VWC2L: variants seen among roughly 807,000 people sequenced by gnomAD.
VWC2L encodes the protein von Willebrand factor C domain containing 2 like, also known as von Willebrand factor C domain-containing protein 2-like.
Under a neutral mutation model 21.6 loss-of-function variants are expected in VWC2L, and 10 were observed. That is an observed-to-expected ratio of 0.46 (90% CI 0.29 to 0.78). The LOEUF is 0.78. Ranked by LOEUF, VWC2L falls within the 30% of genes least tolerant of loss-of-function variation. The probability of loss-of-function intolerance (pLI) is 0.10; values close to 1 mark genes in which losing one functional copy is unlikely to be tolerated. For synonymous variants in VWC2L, 96 were observed against 94.3 expected (o/e 1.02, Z -0.10); for missense variants, 209 against 277.1 (o/e 0.75, Z 1.74).
intron 3 of VWC2L, among the ~76,000 whole-genome samples, chr2:214,497,228 T>C (rs150060044): frequency 0.018 from 2,718 of 152,170 alleles, 40 homozygotes; most frequent in Middle Eastern, 0.068. Flanking sequence ...AAACCATTCA[T>C]TTTAAGCTCT....
intron 3 of VWC2L, among the ~76,000 whole-genome samples, chr2:214,555,097 G>A (rs543426632): frequency 1.7e-4 from 26 of 152,206 alleles, no homozygotes; most frequent in African/African-American, 6.0e-4. Context: ...CACAAGCCCC[G>A]CCCCCATCTT....
intron 3 of VWC2L, among the ~76,000 whole-genome samples, chr2:214,566,879 T>C (rs73987411): frequency 0.045 from 6,868 of 152,268 alleles, 530 homozygotes; most frequent in African/African-American, 0.16. Flanking sequence ...TGATTTTTCA[T>C]AGCACAATAG....
intron 3 of VWC2L, among the ~76,000 whole-genome samples, chr2:214,574,892 T>A (rs183174658): frequency 2.0e-4 from 31 of 151,628 alleles, no homozygotes; most frequent in African/African-American, 5.3e-4. Context: ...ACAGAAAAAA[T>A]TTTTAAAAAC....
intron 3 of VWC2L, among the ~76,000 whole-genome samples, chr2:214,496,537 C>A (rs1574597600): frequency 6.6e-6 from 1 of 152,076 alleles, no homozygotes; most frequent in East Asian, 1.9e-4. Context: ...ATTTGCTATT[C>A]CTAAGAATAC....
intron 3 of VWC2L, among the ~76,000 whole-genome samples, chr2:214,488,647 T>G (rs986784333): frequency 3.3e-5 from 5 of 152,142 alleles, no homozygotes; most frequent in Admixed American, 6.6e-5. Flanking sequence ...CTTCATCTGT[T>G]CTGGGTTGTT....
chr2:214,507,854 A>G (rs992018814), intron 3 of VWC2L, among the ~76,000 whole-genome samples: 2 of 152,208 alleles, frequency 1.3e-5, no homozygotes, highest in Admixed American at 1.3e-4. Flanking sequence ...AGGAATTTGC[A>G]GCTAGTTGCC....
At chr2:214,488,622 C>A (rs1024298617) in intron 3 of VWC2L, among the ~76,000 whole-genome samples, 2 of 152,036 alleles carry the variant, frequency 1.3e-5, no homozygotes, top group African/African-American at 4.8e-5. Context: ...AACAAAAACC[C>A]TGTTAGGCAC....
intron 3 of VWC2L, among the ~76,000 whole-genome samples, chr2:214,574,735 T>A (rs1281662750): frequency 6.6e-6 from 1 of 152,074 alleles, no homozygotes; most frequent in East Asian, 1.9e-4. Context: ...CCTACTATAA[T>A]CCAGTGCACT....
chr2:214,473,733 T>C (rs1314009374), intron 3 of VWC2L: 6 of 150,718 alleles, frequency 4.0e-5, no homozygotes, highest in South Asian at 2.1e-4. Context: ...TGGCTTCTTA[T>C]GTTATATCTC....
chr2:214,436,935 T>G (rs1307856069), intron 3 of VWC2L, among the ~76,000 whole-genome samples, 177 bp downstream of exon 3: 1 of 152,166 alleles, frequency 6.6e-6, no homozygotes, highest in Non-Finnish European at 1.5e-5. Flanking sequence ...GCAGTGGGTT[T>G]ATTGTGCAGC....
chr2:214,454,441 C>A (rs1703023649), intron 3 of VWC2L, among the ~76,000 whole-genome samples: 1 of 150,298 alleles, frequency 6.7e-6, no homozygotes, highest in Non-Finnish European at 1.5e-5. Context: ...TGAAAAAGTC[C>A]CCTTCTAGTA....
At chr2:214,540,274 G>A (rs1372539647) in intron 3 of VWC2L, among the ~76,000 whole-genome samples, 2 of 152,092 alleles carry the variant, frequency 1.3e-5, no homozygotes, top group Non-Finnish European at 2.9e-5. Context: ...ATCTTCATGT[G>A]CATTAATCTT....
intron 3 of VWC2L, among the ~76,000 whole-genome samples, chr2:214,478,401 C>A (rs2126195856): frequency 6.6e-6 from 1 of 151,922 alleles, no homozygotes; most frequent in Non-Finnish European, 1.5e-5. Flanking sequence ...ATCGCTTGAA[C>A]CCAGGAGGCG....
At chr2:214,451,042 G>C (rs1476123493) in intron 3 of VWC2L, among the ~76,000 whole-genome samples, 2 of 152,028 alleles carry the variant, frequency 1.3e-5, no homozygotes, top group African/African-American at 2.4e-5. Context: ...TTCAAAGCCT[G>C]CGTTCTTAAT....
intron 3 of VWC2L, among the ~76,000 whole-genome samples, chr2:214,491,329 T>C (rs927002759): frequency 6.6e-6 from 1 of 152,024 alleles, no homozygotes; most frequent in Non-Finnish European, 1.5e-5. Context: ...AAGAAAGGGG[T>C]AATGTTTGGT....
intron 3 of VWC2L, among the ~76,000 whole-genome samples, chr2:214,494,868 C>T (rs1450712461): frequency 6.6e-6 from 1 of 151,538 alleles, no homozygotes; most frequent in African/African-American, 2.4e-5. Flanking sequence ...TGGTAGAAAA[C>T]TTTCTGGAAA....
chr2:214,447,707 C>T (rs1326221716), intron 3 of VWC2L, among the ~76,000 whole-genome samples: 4 of 152,062 alleles, frequency 2.6e-5, no homozygotes, highest in Non-Finnish European at 5.9e-5. Flanking sequence ...GAAGGTTATC[C>T]CTCTATCTTC....
At chr2:214,436,178 A>G (rs1343545977) in intron 2 of VWC2L, 1 of 161,336 alleles carries the variant, frequency 6.2e-6, no homozygotes, top group African/African-American at 2.4e-5. Context: ...CAAAGGGTAC[A>G]GATGTCCACT....
intron 3 of VWC2L, among the ~76,000 whole-genome samples, chr2:214,490,188 A>G (rs1688726349): frequency 6.6e-6 from 1 of 152,148 alleles, no homozygotes; most frequent in South Asian, 2.1e-4. Flanking sequence ...ACAGACTGAG[A>G]CCTGGACTTA....
Sources: gnomAD v4.1 joint callset for allele counts (sites outside exome capture counted in the v4.1 genomes callset) on GRCh38, gnomAD v4.1.1 for gene constraint, MANE v1.5 for transcripts, NCBI Gene and HGNC (gene_info 2026-07-23, HGNC 2026-07-21) for gene names.